Variants in SUMF1 observed in about 807,000 individuals in gnomAD.
SUMF1 encodes formylglycine-generating enzyme.
Under a neutral mutation model 47.6 loss-of-function variants are expected in SUMF1, and 48 were observed. The ratio of observed to expected loss-of-function variants is 1.01; its 90% CI spans 0.80 to 1.28. The LOEUF is 1.28. Among genes scored for constraint, SUMF1 ranks in the 50% most tolerant of loss-of-function variants. The pLI, the probability that SUMF1 is intolerant of heterozygous loss-of-function variation, is 0.00. For synonymous variants in SUMF1, 230 were observed against 192.1 expected (o/e 1.20, Z -1.63); for missense variants, 571 against 485.4 (o/e 1.18, Z -1.66).
intron 8 of SUMF1, among the ~76,000 whole-genome samples, chr3:4,291,825 C>T (rs1697748483): frequency 6.6e-6 from 1 of 152,200 alleles, no homozygotes; most frequent in Non-Finnish European, 1.5e-5. Context: ...TAATCTCTCG[C>T]TGCTTCTCTG....
At chr3:4,325,445 A>C (rs1314857856) in intron 8 of SUMF1, among the ~76,000 whole-genome samples, 1 of 152,178 alleles carries the variant, frequency 6.6e-6, no homozygotes, top group Non-Finnish European at 1.5e-5. Flanking sequence ...GCAAAGGGAA[A>C]GCAATTCTGG....
chr3:4,161,133 C>A (rs1265048103), intron 8 of SUMF1, among the ~76,000 whole-genome samples: 2 of 152,128 alleles, frequency 1.3e-5, no homozygotes, highest in Non-Finnish European at 2.9e-5. Flanking sequence ...TGTGGATTAC[C>A]AGACAGAGAC....
chr3:4,248,195 A>G (rs187485834), intron 8 of SUMF1, among the ~76,000 whole-genome samples: 3 of 152,324 alleles, frequency 2.0e-5, no homozygotes, highest in East Asian at 3.9e-4. Context: ...CCACTGCTGA[A>G]GAGCAAAATC....
At chr3:4,253,104 A>G (rs1384411649) in intron 8 of SUMF1, among the ~76,000 whole-genome samples, 1 of 152,220 alleles carries the variant, frequency 6.6e-6, no homozygotes, top group East Asian at 1.9e-4. Flanking sequence ...GTAATGAAAG[A>G]AAAAAGGCAC....
chr3:4,405,119 A>T (rs917054966), intron 7 of SUMF1, among the ~76,000 whole-genome samples: 1 of 152,206 alleles, frequency 6.6e-6, no homozygotes, highest in Non-Finnish European at 1.5e-5. Flanking sequence ...TCAAGTGTGG[A>T]GTTTAGAGGA....
Position 4,344,282 on chromosome 3 carries a change from C to T in SUMF1, c.1014+32048G>A, listed in dbSNP as rs140165243. ...CACGGGGAAGGGGAACCCCCATTGGCATCAGGTCAGTGCCCCTCGAGGGCA... is the reference window on the plus strand; with the variant it reads ...CACGGGGAAGGGGAACCCCCATTGGTATCAGGTCAGTGCCCCTCGAGGGCA... On this transcript the variant is annotated intron_variant and NMD_transcript_variant, in intron 8 of 12. Coordinates refer to the SUMF1 transcript ENST00000448413. Among the ~76,000 whole-genome samples the T allele has an allele frequency of 6.2e-4, 94 of 152,312 alleles. 1 individual carries two copies. The East Asian group carries it at 0.017, about 28-fold the overall frequency.
intron 8 of SUMF1, among the ~76,000 whole-genome samples, chr3:4,374,302 T>C (rs1288540314): frequency 6.6e-6 from 1 of 152,146 alleles, no homozygotes; most frequent in African/African-American, 2.4e-5. Flanking sequence ...ACAAAAACAT[T>C]ACTAGAACTA....
Position 4,327,138 on chromosome 3 carries a change from C to CA in SUMF1, c.1014+49191dup, listed in dbSNP as rs576437126. ...AAAATAGATCGATTTTTTTCTTGAC[C>CA]AAAAAAACACAAAAATATCAGCAAT... On this transcript the variant is annotated intron_variant and NMD_transcript_variant, in intron 8 of 12. Coordinates refer to the SUMF1 transcript ENST00000448413. Among the ~76,000 whole-genome samples the CA allele has an allele frequency of 1.3e-4, 19 of 151,716 alleles. 1 individual carries two copies. In the South Asian group the frequency reaches 3.8e-3, roughly 30 times the overall value.
intron 7 of SUMF1, among the ~76,000 whole-genome samples, chr3:4,410,553 T>C (rs1425868744): frequency 2.6e-5 from 4 of 152,202 alleles, no homozygotes; most frequent in South Asian, 4.1e-4. Context: ...ATAAACTTTA[T>C]AGTTATTTAT....
chr3:4,112,327 G>A (rs1248895924), intron 8 of SUMF1, among the ~76,000 whole-genome samples: 1 of 152,106 alleles, frequency 6.6e-6, no homozygotes, highest in Non-Finnish European at 1.5e-5. Context: ...TGCTGAGAGG[G>A]ATAGCCAACT....
chr3:4,393,359 G>A (rs548175230), intron 7 of SUMF1, among the ~76,000 whole-genome samples: 1 of 151,986 alleles, frequency 6.6e-6, no homozygotes, highest in Non-Finnish European at 1.5e-5. Flanking sequence ...TAGAGACAGG[G>A]TCTCCCTGTG....
Position 4,225,525 on chromosome 3 carries a change from G to C in SUMF1, c.1014+150805C>G, listed in dbSNP as rs1343228062. Among the ~76,000 whole-genome samples, 5 of 152,254 alleles carry C rather than the reference G, an allele frequency of 3.3e-5. No individual in the cohort carries two copies. The South Asian group carries it at 8.3e-4, about 25-fold the overall frequency. ...AACTTCTCAGCCTCCAACTTGACCAGATAGAACAGCAGCTTCAGTCTATGG... is the reference window on the plus strand; with the variant it reads ...AACTTCTCAGCCTCCAACTTGACCACATAGAACAGCAGCTTCAGTCTATGG... On this transcript the variant is annotated intron_variant and NMD_transcript_variant, in intron 8 of 12. Coordinates refer to the SUMF1 transcript ENST00000448413.
intron 8 of SUMF1, among the ~76,000 whole-genome samples, chr3:4,107,931 T>G (rs995301227): frequency 4.6e-5 from 7 of 151,508 alleles, no homozygotes; most frequent in African/African-American, 1.7e-4. Flanking sequence ...TGTGGTATTT[T>G]CTGTGATAAG....
At chr3:4,458,300 G>A (rs143596320) in intron 1 of SUMF1, among the ~76,000 whole-genome samples, 6 of 152,242 alleles carry the variant, frequency 3.9e-5, no homozygotes, top group African/African-American at 1.4e-4. Flanking sequence ...TTAATACAGT[G>A]ATTATGGAAA....
At chr3:4,213,703 GGGATGGAGGAATATTTACCAA>G in intron 8 of SUMF1, among the ~76,000 whole-genome samples, 1 of 152,100 alleles carries the variant, frequency 6.6e-6, no homozygotes, top group African/African-American at 2.4e-5. Context: ...TCAAAATAAA[GGGATGGAGGAATATTTACCAA>G]GCAAATGGAA....
At chr3:4,071,200 A>G (rs545152881) in intron 8 of SUMF1, among the ~76,000 whole-genome samples, 86 of 151,656 alleles carry the variant, frequency 5.7e-4, no homozygotes, top group African/African-American at 1.9e-3. Flanking sequence ...CTGAATAGGA[A>G]CAGCTCCAGT....
At position 4,289,447 on chromosome 3, in the gene SUMF1, T is replaced by C. The variant is rs145543324; in HGVS notation, c.1014+86883A>G. Among the ~76,000 whole-genome samples, 33 of 152,306 alleles carry C rather than the reference T, an allele frequency of 2.2e-4. No individual in the cohort carries two copies. The East Asian group carries it at 6.4e-3, about 29-fold the overall frequency. On this transcript the variant is annotated intron_variant and NMD_transcript_variant, in intron 8 of 12. Transcript: ENST00000448413. ...CAGTGTGGTGTAAATCGGTCACACATAGACTGTCTGTTGAAGGGTGTTCTT... is the reference window on the plus strand; with the variant it reads ...CAGTGTGGTGTAAATCGGTCACACACAGACTGTCTGTTGAAGGGTGTTCTT...
At chr3:4,072,534 C>G (rs2125037844) in intron 8 of SUMF1, among the ~76,000 whole-genome samples, 1 of 152,178 alleles carries the variant, frequency 6.6e-6, no homozygotes. Context: ...ACAAACTTAT[C>G]AGAGCTAAAG....
At chr3:4,088,057 A>G (rs1233575957) in intron 8 of SUMF1, among the ~76,000 whole-genome samples, 1 of 152,138 alleles carries the variant, frequency 6.6e-6, no homozygotes, top group Non-Finnish European at 1.5e-5. Context: ...AGAAAATGAT[A>G]ACCTGTGTAG....
Sources: allele counts gnomAD v4.1 joint callset (sites outside exome capture counted in the v4.1 genomes callset), GRCh38; gene constraint gnomAD v4.1.1; transcripts MANE v1.5; gene names NCBI Gene and HGNC (gene_info 2026-07-23, HGNC 2026-07-21).